Variants in PDE4D observed in about 807,000 individuals in gnomAD.
PDE4D encodes the protein phosphodiesterase 4D, also known as 3',5'-cyclic-AMP phosphodiesterase 4D.
PDE4D carries 24 observed loss-of-function variants against 87.4 expected under a neutral mutation model. That is an observed-to-expected ratio of 0.27 (90% CI 0.20 to 0.39). The LOEUF (loss-of-function observed/expected upper bound fraction) is 0.39. PDE4D is among the 10% of genes least tolerant of loss of function. PDE4D has a pLI of 1.00. For missense variants in PDE4D, 714 were observed against 1,041.0 expected (o/e 0.69, Z 4.32); for synonymous variants, 384 against 383.2 (o/e 1.00, Z -0.02).
intron 1 of PDE4D, among the ~76,000 whole-genome samples, chr5:59,647,456 A>G (rs1371694198): frequency 2.8e-5 from 2 of 72,134 alleles, no homozygotes; most frequent in Non-Finnish European, 5.9e-5. Flanking sequence ...GGGATTTTTC[A>G]AAGTTTTTTT....
At chr5:60,452,915 T>G (rs1746206396) in intron 1 of PDE4D, among the ~76,000 whole-genome samples, 1 of 152,140 alleles carries the variant, frequency 6.6e-6, no homozygotes, top group Admixed American at 6.6e-5. Context: ...TCTTCCATTC[T>G]CTGTGAGAAA....
intron 3 of PDE4D, chr5:59,987,654 T>C (rs1762582159): frequency 1.3e-5 from 2 of 152,230 alleles, no homozygotes; most frequent in Admixed American, 6.5e-5. Flanking sequence ...TTTGTTCTTG[T>C]AGTTTTAGCA....
At chr5:59,594,853 G>A (rs1345283973) in intron 1 of PDE4D, among the ~76,000 whole-genome samples, 2 of 152,002 alleles carry the variant, frequency 1.3e-5, no homozygotes, top group Non-Finnish European at 2.9e-5. Flanking sequence ...AATACTAAGA[G>A]TAAATTCTAA....
chr5:60,154,658 C>A (rs1781803863), intron 2 of PDE4D, among the ~76,000 whole-genome samples: 1 of 152,128 alleles, frequency 6.6e-6, no homozygotes, highest in Non-Finnish European at 1.5e-5. Context: ...AAGAGTACAC[C>A]ACATAAGCAG....
chr5:59,473,087 A>G (rs921451286), intron 1 of PDE4D, among the ~76,000 whole-genome samples: 1 of 138,394 alleles, frequency 7.2e-6, no homozygotes, highest in Non-Finnish European at 1.6e-5. Flanking sequence ...TCTCATGAAA[A>G]AAAAAAAAAA....
intron 1 of PDE4D, among the ~76,000 whole-genome samples, chr5:59,283,502 T>C (rs1280971149): frequency 6.6e-6 from 1 of 152,202 alleles, no homozygotes; most frequent in African/African-American, 2.4e-5. Flanking sequence ...CAGCCTTTTT[T>C]GTGTGTTAAA....
At chr5:59,037,491 T>C (rs1012216099) in intron 6 of PDE4D, among the ~76,000 whole-genome samples, 2 of 152,178 alleles carry the variant, frequency 1.3e-5, no homozygotes, top group South Asian at 2.1e-4. Flanking sequence ...GTTACTCAGA[T>C]GAGAATAAAG....
At chr5:59,978,035 A>G (rs751345828) in intron 3 of PDE4D, among the ~76,000 whole-genome samples, 1 of 152,210 alleles carries the variant, frequency 6.6e-6, no homozygotes, top group Non-Finnish European at 1.5e-5. Context: ...TCAAAATATG[A>G]CTGTTCATTG....
chr5:60,518,085 T>C (rs1583975884), intron 1 of PDE4D, among the ~76,000 whole-genome samples: 1 of 152,252 alleles, frequency 6.6e-6, no homozygotes, highest in Non-Finnish European at 1.5e-5. Context: ...GTGGTACACC[T>C]GGTCCAGCCA....
At chr5:60,325,378 G>A (rs1756688981) in intron 1 of PDE4D, among the ~76,000 whole-genome samples, 1 of 152,092 alleles carries the variant, frequency 6.6e-6, no homozygotes, top group African/African-American at 2.4e-5. Flanking sequence ...ATCCCTACAG[G>A]TAAAATAATA....
chr5:59,576,165 G>C (rs1207925925), intron 1 of PDE4D, among the ~76,000 whole-genome samples: 1 of 152,006 alleles, frequency 6.6e-6, no homozygotes, highest in East Asian at 1.9e-4. Context: ...GCACTAGACT[G>C]GTTTTCTCAT....
At chr5:60,058,969 T>C (rs1771087681) in intron 2 of PDE4D, among the ~76,000 whole-genome samples, 1 of 151,782 alleles carries the variant, frequency 6.6e-6, no homozygotes, top group South Asian at 2.1e-4. Flanking sequence ...TACCATTCTT[T>C]CTAGCTTCTT....
At chr5:59,944,847 T>A (rs556150587) in intron 3 of PDE4D, among the ~76,000 whole-genome samples, 1 of 152,280 alleles carries the variant, frequency 6.6e-6, no homozygotes, top group East Asian at 1.9e-4. Context: ...CTTTCCCTCT[T>A]CCTGCTCTTC....
rs564701453 is a variant in PDE4D, at chr5:59,653,062, A to T, written c.455+240106T>A. 3.7e-4 allele frequency among the ~76,000 whole-genome samples: 56 copies of T among 152,212 alleles called. No individual in the cohort carries two copies. The South Asian group carries it at 0.011, about 31-fold the overall frequency. Reference sequence around the variant, plus strand: ...CAGAAACATTTCCATCCAAAAAAAGACACTTTATAGAAATACTAATTTTTT... The same window carrying T: ...CAGAAACATTTCCATCCAAAAAAAGTCACTTTATAGAAATACTAATTTTTT... On this transcript the variant is annotated intron_variant, in intron 1 of 14. Transcript: ENST00000340635.
chr5:60,464,861 G>A (rs1005564836), intron 1 of PDE4D, among the ~76,000 whole-genome samples: 4 of 152,146 alleles, frequency 2.6e-5, no homozygotes, highest in South Asian at 2.1e-4. Flanking sequence ...CAGTACTTTC[G>A]GAGGTCAAGG....
In PDE4D at chr5:58,975,898, C is replaced by CCA; in HGVS notation, c.1831-60_1831-59insTG. On this transcript the variant is annotated intron_variant, in intron 13 of 14. Transcript: ENST00000340635. This position sits in a 1 kb window ranked among gnomAD's most constrained non-coding sequence, Gnocchi z 4.2. Reference sequence around the variant, plus strand: ...TGTTCCTTTTTTTTAAAAAAAAAAACAAAAAAAACTAGAAATTCACATTGG... The same window carrying CCA: ...TGTTCCTTTTTTTTAAAAAAAAAAACCAAAAAAAAACTAGAAATTCACATTGG... 1 of 875,980 alleles carries CCA rather than the reference C, an allele frequency of 1.1e-6. No individual in the cohort carries two copies. The allele number at this position is 875,980 out of a possible 1,614,324, so 54.3% of individuals were successfully genotyped here. A position where few individuals can be genotyped will look rare whatever the true frequency, so the allele number is the denominator to read the frequency against.
chr5:59,806,927 G>T (rs535910429), intron 1 of PDE4D, among the ~76,000 whole-genome samples: 1 of 152,040 alleles, frequency 6.6e-6, no homozygotes, highest in East Asian at 1.9e-4. Flanking sequence ...CTTTAAATAC[G>T]ATTTGAAATC....
intron 1 of PDE4D, among the ~76,000 whole-genome samples, chr5:59,818,904 G>A (rs1171786355): frequency 2.0e-5 from 3 of 151,854 alleles, no homozygotes; most frequent in Non-Finnish European, 4.4e-5. Flanking sequence ...AGTAGCAGGA[G>A]TGAAGGAGAA....
rs1035658401 is a variant in PDE4D, at chr5:60,108,954, G to A, written c.42+76603C>T. On this transcript the variant is annotated intron_variant, in intron 2 of 16. Transcript: ENST00000502484. ...CCATTCAGGACATAGGCATGGGCAAGGACTTCATGTCTAAACCATCAAAAG... is the reference window on the plus strand; with the variant it reads ...CCATTCAGGACATAGGCATGGGCAAAGACTTCATGTCTAAACCATCAAAAG... 2.6e-5 allele frequency among the ~76,000 whole-genome samples: 4 copies of A among 152,146 alleles called. No individual in the cohort carries two copies. The East Asian group carries it at 5.8e-4, about 22-fold the overall frequency.
Sources: allele counts gnomAD v4.1 joint callset (sites outside exome capture counted in the v4.1 genomes callset), GRCh38; gene constraint gnomAD v4.1.1; non-coding constraint Gnocchi (gnomAD v3.1); transcripts MANE v1.5; gene names NCBI Gene and HGNC (gene_info 2026-07-23, HGNC 2026-07-21).